The following TAF15 variants were observed in gnomAD, a reference collection of about 807,000 sequenced individuals.
TAF15 encodes the protein TATA-box binding protein associated factor 15, also known as TATA-binding protein-associated factor 2N.
Under a neutral mutation model 102.5 loss-of-function variants are expected in TAF15, and 37 were observed. The ratio of observed to expected loss-of-function variants is 0.36; its 90% CI spans 0.28 to 0.47. The LOEUF (loss-of-function observed/expected upper bound fraction) is 0.47, where lower values mean the gene tolerates loss of function less well. Among genes scored for constraint, TAF15 ranks in the 20% least tolerant of loss-of-function variants. The pLI, the probability that TAF15 is intolerant of heterozygous loss-of-function variation, is 0.99. For synonymous variants in TAF15, 273 were observed against 259.2 expected, an observed-to-expected ratio of 1.05 and a Z score of -0.51; for missense variants, 652 against 760.7, an observed-to-expected ratio of 0.86 and a Z score of 1.68.
chr17:35,820,168 A>G lies in TAF15; in HGVS notation c.104A>G (p.Tyr35Cys). The G allele has an allele frequency of 6.2e-7, 1 of 1,614,120 alleles. No individual in the cohort carries two copies. Among genetic ancestry groups the G allele is most frequent in the Non-Finnish European group, 8.5e-7 (1 of 1,179,972 alleles). The change falls in exon 4 of 16, where the codon TAT becomes TGT. Residue 35 changes from tyrosine (Y) to cysteine (C), a missense_variant. Physicochemically the swap from Tyr to Cys is radical, Grantham distance 194. Coordinates refer to ENST00000605844, the MANE Select transcript of TAF15 (RefSeq NM_139215.3). ...SQGYGQASQSYSGYGQTTDSS... is the reference protein window; with the variant it reads ...SQGYGQASQSCSGYGQTTDSS... ...GAGTATTTACCTAAATTTCAGAGCT[A>G]TTCTGGCTATGGGCAAACGACTGAT...
chr17:35,822,733 ATAT>A lies in TAF15; in HGVS notation c.385_387del (p.Tyr129del). ...CAGGCTATGATCAACATCAAGGCTC[ATAT>A]GATGAGCAGTCAAATTATGATCAGC... On this transcript the variant is annotated inframe_deletion, in exon 6 of 16. Transcript: ENST00000605844. 6.2e-7 allele frequency: 1 copy of A among 1,614,164 alleles called. No individual in the cohort carries two copies. Among genetic ancestry groups the A allele is most frequent in the Non-Finnish European group, 8.5e-7 (1 of 1,179,980 alleles).
chr17:35,823,789 A>T (rs779627897), intron 6 of TAF15: 10 of 460,638 alleles, frequency 2.2e-5, no homozygotes, highest in Non-Finnish European at 3.6e-5. Context: ...TTGTATTTTA[A>T]CTCATACTGT....
At chr17:35,842,499 G>A in intron 12 of TAF15, 40 bp downstream of exon 12, 1 of 1,516,200 alleles carries the variant, frequency 6.6e-7, no homozygotes, top group Non-Finnish European at 9.1e-7. Flanking sequence ...TACTATCCAA[G>A]GGTTTAAGTT....
At chr17:35,845,581 C>T (rs1341721368) in intron 15 of TAF15, among the ~76,000 whole-genome samples, 4 of 152,054 alleles carry the variant, frequency 2.6e-5, no homozygotes, top group Admixed American at 6.5e-5. Flanking sequence ...GGCGCAGTCT[C>T]GGCTCACTGC....
chr17:35,833,981 T>A (rs1379933370), intron 8 of TAF15, 40 bp downstream of exon 8: 2 of 1,609,464 alleles, frequency 1.2e-6, no homozygotes, highest in Admixed American at 3.3e-5. Flanking sequence ...GTGGAAATGC[T>A]ATATAAATCT....
chr17:35,840,729 T>G (rs1469440888), intron 11 of TAF15, among the ~76,000 whole-genome samples: 1 of 151,846 alleles, frequency 6.6e-6, no homozygotes, highest in Non-Finnish European at 1.5e-5. Context: ...CCAGGCGCGG[T>G]GGTGAGCACC....
chr17:35,830,189 C>T (rs1221778196), intron 7 of TAF15: 1 of 151,446 alleles, frequency 6.6e-6, no homozygotes, highest in Non-Finnish European at 1.5e-5. Flanking sequence ...GTGACGCGTA[C>T]CTGTAGTCCC....
intron 10 of TAF15, among the ~76,000 whole-genome samples, chr17:35,837,034 A>G (rs1568272412): frequency 6.6e-6 from 1 of 152,182 alleles, no homozygotes; most frequent in African/African-American, 2.4e-5. Context: ...TCGGCCTCCC[A>G]AAGTCCCAGG....
In TAF15 at chr17:35,844,813, G is replaced by A. The variant is rs759651693; in HGVS notation, c.1514G>A (p.Arg505Gln). The A allele has an allele frequency of 1.9e-6, 3 of 1,596,878 alleles. No homozygotes were observed. Among genetic ancestry groups the A allele is most frequent in the South Asian group, 1.1e-5 (1 of 90,414 alleles). The change falls in exon 15 of 16, where the codon CGA becomes CAA. Residue 505 changes from arginine (R) to glutamine (Q), a missense_variant. Arg to Gln is a conservative substitution (Grantham distance 43, BLOSUM62 1). This residue lies in a region of TAF15 where 368 missense variants were observed against 367.5 expected (regional missense o/e 1.00). Transcript: ENST00000605844. ...GACCGAGGAGGCTATGGAGGAGATCGAGGAGGTTACGGAGGAGATCGAGGA... is the reference window on the plus strand; with the variant it reads ...GACCGAGGAGGCTATGGAGGAGATCAAGGAGGTTACGGAGGAGATCGAGGA... Reference protein sequence around the residue: ...GGDRGGYGGDRGGYGGDRGGY... With the variant: ...GGDRGGYGGDQGGYGGDRGGY...
In TAF15 at chr17:35,834,673, T is replaced by C. The variant is rs1333009027; in HGVS notation, c.673+75T>C. ...TTTTTTTGATGGGAAAAGTGTGTGT[T>C]TGGAGGGGCTTAGTACAGGAGGAAG... On this transcript the variant is annotated intron_variant, in intron 9 of 15. Transcript: ENST00000605844. 1.2e-5 allele frequency: 17 copies of C among 1,400,894 alleles called. No individual in the cohort carries two copies. In the East Asian group the frequency reaches 3.7e-4, roughly 30 times the overall value. 86.8% of individuals were successfully genotyped at this position (1,400,894 alleles called of 1,614,324 possible).
chr17:35,813,754 G>A (rs1225738987), intron 1 of TAF15, among the ~76,000 whole-genome samples: 2 of 150,392 alleles, frequency 1.3e-5, no homozygotes, highest in Non-Finnish European at 2.9e-5. Context: ...GATTTCCAAA[G>A]TAAATGAACA....
At chr17:35,839,716 A>T (rs563058365) in intron 11 of TAF15, among the ~76,000 whole-genome samples, 12 of 152,266 alleles carry the variant, frequency 7.9e-5, no homozygotes, top group Middle Eastern at 3.4e-3. Flanking sequence ...AGAAGAAATG[A>T]GTAAAACATC....
chr17:35,822,473 C>A (rs201174990), intron 5 of TAF15, among the ~76,000 whole-genome samples, 167 bp from the exon 6 acceptor site: 1 of 151,756 alleles, frequency 6.6e-6, no homozygotes, highest in Non-Finnish European at 1.5e-5. Flanking sequence ...AATCGTCTTT[C>A]GCAGGGAATT....
intron 11 of TAF15, 143 bp from the exon 12 acceptor site, chr17:35,842,224 T>G: frequency 1.5e-6 from 1 of 689,382 alleles, no homozygotes; most frequent in Non-Finnish European, 2.6e-6. Context: ...TTAGCACTGT[T>G]ATCTTGACTC....
chr17:35,842,305 T>G, intron 11 of TAF15, 62 bp from the exon 12 acceptor site: 1 of 1,295,796 alleles, frequency 7.7e-7, no homozygotes, highest in East Asian at 2.3e-5. Context: ...GACTTTTTCA[T>G]TTTTGTTGAC....
intron 4 of TAF15, 30 bp downstream of exon 4, chr17:35,820,278 C>A (rs1299619715): frequency 6.2e-7 from 1 of 1,613,802 alleles, no homozygotes; most frequent in Admixed American, 1.7e-5. Flanking sequence ...TTTGTTGTTT[C>A]AGAGATTGAA....
chr17:35,829,631 C>CAAAAAA (rs746776421), intron 7 of TAF15, among the ~76,000 whole-genome samples: 650 of 33,056 alleles, frequency 0.02, 22 homozygotes, highest in Non-Finnish European at 0.029. Context: ...GACTCCATCT[C>CAAAAAA]AAAAAAAAAA....
chr17:35,815,816 C>T (rs1174974285), intron 1 of TAF15, among the ~76,000 whole-genome samples: 1 of 152,002 alleles, frequency 6.6e-6, no homozygotes, highest in Non-Finnish European at 1.5e-5. Context: ...TATTCTTTTC[C>T]GATTTTTCTT....
rs1352629632 is a variant in TAF15, at chr17:35,815,606, G to A, written c.8-2110G>A. On this transcript the variant is annotated intron_variant, in intron 1 of 15. Transcript: ENST00000605844. ...CCTGAACCTAAAGAAAATATGCTGC[G>A]ATTATGTATTTTGTCACTGGGAGAA... is the stretch of plus-strand genomic sequence containing the variant. Among the ~76,000 whole-genome samples, 5 of 152,170 alleles carry A rather than the reference G, an allele frequency of 3.3e-5. No homozygotes were observed. The East Asian group carries it at 7.7e-4, about 23-fold the overall frequency.
Sources: gnomAD v4.1 joint callset for allele counts (sites outside exome capture counted in the v4.1 genomes callset) on GRCh38, gnomAD v4.1.1 for gene constraint, gnomAD v4.1.1 regional missense constraint, MANE v1.5 for transcripts, NCBI Gene and HGNC (gene_info 2026-07-23, HGNC 2026-07-21) for gene names.